Variants in CASTOR1 observed in about 807,000 individuals in gnomAD.
CASTOR1 encodes cytosolic arginine sensor for mTORC1 subunit 1, also known as GATS protein like 3.
Under a neutral mutation model 33.7 loss-of-function variants are expected in CASTOR1, and 18 were observed. The observed-to-expected ratio is 0.53, with a 90% CI of 0.37 to 0.79. The LOEUF is 0.79. CASTOR1 is among the 30% of genes least tolerant of loss of function. CASTOR1 has a pLI of 0.00. For missense variants in CASTOR1, 362 were observed against 446.3 expected (o/e 0.81, Z 1.70); for synonymous variants, 175 against 190.6 (o/e 0.92, Z 0.67).
At position 30,286,371 on chromosome 22, in the gene CASTOR1, G is replaced by T; in HGVS notation, c.635C>A (p.Pro212His). 1 of 1,611,560 alleles carries T rather than the reference G, an allele frequency of 6.2e-7. No individual in the cohort carries two copies. The highest frequency in any genetic ancestry group is 8.5e-7 in the Non-Finnish European group (1 of 1,177,854). ...IDVLFYSHST[P>H]KEAASSSPEP... is the part of the protein sequence containing the mutation. ...AGGACTGCTAGAGGCTGCCTCCTTG[G>T]GGGTGCTGGGGAGGGATGGGAGGTT... The change falls in exon 6 of 9, where the codon CCC becomes CAC. Residue 212 changes from proline (P) to histidine (H), a missense_variant. Physicochemically the swap from Pro to His is moderately conservative, Grantham distance 77. Coordinates refer to ENST00000407689, the MANE Select transcript of CASTOR1 (RefSeq NM_001037666.3).
In CASTOR1 at chr22:30,286,341, G is replaced by T. The variant is rs759719627; in HGVS notation, c.665C>A (p.Pro222His). 1 of 1,614,044 alleles carries T rather than the reference G, an allele frequency of 6.2e-7. No homozygotes were observed. Among genetic ancestry groups the T allele is most frequent in the Non-Finnish European group, 8.5e-7 (1 of 1,179,958 alleles). ...GAAGGCAAAGAACGTGATGGAGCTG[G>T]GTTCAGGACTGCTAGAGGCTGCCTC... ...PKEAASSSPE[P>H]SSITFFAFSL... is the part of the protein sequence containing the mutation. The change falls in exon 6 of 9, where the codon CCC becomes CAC. Residue 222 changes from proline to histidine, a missense_variant. Transcript: ENST00000407689.
chr22:30,289,201 G>T, intron 1 of CASTOR1, 184 bp downstream of exon 1: 1 of 591,758 alleles, frequency 1.7e-6, no homozygotes. Flanking sequence ...CTGGGAGGGG[G>T]CCTCACGGGG....
intron 5 of CASTOR1, chr22:30,286,591 C>T: frequency 3.0e-6 from 2 of 674,546 alleles, no homozygotes; most frequent in Non-Finnish European, 5.1e-6. Context: ...CAAAGGATTC[C>T]ACGGTGAGAG....
At chr22:30,288,601 T>C in intron 2 of CASTOR1, 105 bp downstream of exon 2, 1 of 975,270 alleles carries the variant, frequency 1.0e-6, no homozygotes, top group Non-Finnish European at 1.6e-6. Flanking sequence ...CATCTGCTTT[T>C]AAGGCTTAAG....
chr22:30,285,293 T>G lies in CASTOR1; in HGVS notation c.*327A>C. ...CGGGGCAGCTGGCCCAGGAAGCCTT[T>G]GGGGAATGGCTCAGGCCTCAGGCAG... On this transcript the variant is annotated 3_prime_UTR_variant, in exon 9 of 9. Transcript: ENST00000407689. The G allele has an allele frequency of 9.0e-6, 2 of 223,386 alleles. No individual in the cohort carries two copies. The highest frequency in any genetic ancestry group is 8.8e-6 in the Non-Finnish European group (1 of 113,890). The allele number at this position is 223,386 out of a possible 1,614,324, so 13.8% of individuals were successfully genotyped here.
rs1257387569 is a variant in CASTOR1 at position 30,286,827 on chromosome 22, G to A, written c.627C>T (p.His209=). The A allele has an allele frequency of 6.2e-7, 1 of 1,614,082 alleles. No homozygotes were observed. Residue 209 remains histidine (H), a splice_region_variant and synonymous_variant, in exon 5 of 9, where the codon CAC becomes CAT. Coordinates refer to ENST00000407689, the MANE Select transcript of CASTOR1 (RefSeq NM_001037666.3). Reference sequence around the variant, plus strand: ...AAAGACGAAGTTCCAAGGTCCACCTGTGCGAGTAGAAGAGGACATCTATGA... The same window carrying A: ...AAAGACGAAGTTCCAAGGTCCACCTATGCGAGTAGAAGAGGACATCTATGA... ...TTLIDVLFYS[H]STPKEAASSS... is the part of the protein sequence containing the mutation.
At chr22:30,288,074 G>A in intron 2 of CASTOR1, 2 of 354,830 alleles carry the variant, frequency 5.6e-6, no homozygotes, top group South Asian at 4.2e-5. Flanking sequence ...CAGCTAGCTG[G>A]CCTGAGACTC....
chr22:30,288,548 G>A (rs900041767), intron 2 of CASTOR1, among the ~76,000 whole-genome samples, 158 bp downstream of exon 2: 32 of 151,808 alleles, frequency 2.1e-4, no homozygotes, highest in African/African-American at 7.3e-4. Context: ...TTGCTCAAGG[G>A]CACACAGCCA....
chr22:30,289,270 C>T (rs1929871387), intron 1 of CASTOR1, 115 bp downstream of exon 1: 1 of 819,890 alleles, frequency 1.2e-6, no homozygotes, highest in East Asian at 3.0e-5. Flanking sequence ...GTCCTCCCCA[C>T]CCGCTCCCGC....
chr22:30,286,242 C>T, intron 6 of CASTOR1, 21 bp downstream of exon 6: 1 of 1,584,066 alleles, frequency 6.3e-7, no homozygotes, highest in Non-Finnish European at 8.7e-7. Context: ...TGGGGCCCAC[C>T]CGGGGTCAGG....
intron 2 of CASTOR1, among the ~76,000 whole-genome samples, chr22:30,288,120 G>C (rs1929830171): frequency 6.6e-6 from 1 of 152,268 alleles, no homozygotes; most frequent in Admixed American, 6.5e-5. Context: ...AGCAGCAGGA[G>C]GAGGAGCTAG....
rs754511179 is a variant in CASTOR1 at position 30,289,386 on chromosome 22, G to T, written c.112C>A (p.Arg38=). The T allele has an allele frequency of 1.1e-5, 17 of 1,599,766 alleles. No individual in the cohort carries two copies. In the South Asian group the frequency reaches 1.8e-4, roughly 17 times the overall value. The stretch of plus-strand genomic sequence containing the variant: ...GCGCTCCCGAACCCGGGCGCGCACC[G>T]GCTGCGGCGGGGCAGGAAGAGCAGC... ...IKLLFLPRRS[R]CKFFSLTETP... Residue 38 remains arginine, a splice_region_variant and synonymous_variant, in exon 1 of 9, where the codon CGG becomes AGG. Transcript: ENST00000407689.
At position 30,287,143 on chromosome 22, in the gene CASTOR1, G is replaced by A; in HGVS notation, c.505+12C>T. 6.2e-7 allele frequency: 1 copy of A among 1,606,594 alleles called. No individual in the cohort carries two copies. Among genetic ancestry groups the A allele is most frequent in the South Asian group, 1.1e-5 (1 of 90,532 alleles). ...CCCTGCCCAAGTCCAAGTGTCAGGG[G>A]GCGGCCCTCACCATGCTGAGTGCGG... On this transcript the variant is annotated intron_variant, in intron 4 of 8. Transcript: ENST00000407689.
chr22:30,286,693 G>A, intron 5 of CASTOR1, 132 bp downstream of exon 5: 2 of 1,147,678 alleles, frequency 1.7e-6, no homozygotes, highest in Non-Finnish European at 2.6e-6. Flanking sequence ...AAGCACAAGT[G>A]AGCATCATGG....
rs374308991 is a variant in CASTOR1, at chr22:30,286,329, G to A, written c.677C>T (p.Thr226Met). The change falls in exon 6 of 9, where the codon ACG (threonine) becomes ATG (methionine). Residue 226 changes from threonine to methionine, a missense_variant. Coordinates refer to ENST00000407689, the MANE Select transcript of CASTOR1 (RefSeq NM_001037666.3). ...ASSSPEPSSI[T>M]FFAFSLIEGY... The stretch of plus-strand genomic sequence containing the variant: ...CTCGATGAGGGAGAAGGCAAAGAAC[G>A]TGATGGAGCTGGGTTCAGGACTGCT... 3.9e-5 allele frequency: 63 copies of A among 1,614,010 alleles called. No individual in the cohort carries two copies. Among genetic ancestry groups the A allele is most frequent in the South Asian group, 3.3e-4 (30 of 91,092 alleles).
At chr22:30,288,255 G>C (rs563182324) in intron 2 of CASTOR1, among the ~76,000 whole-genome samples, 2 of 152,350 alleles carry the variant, frequency 1.3e-5, no homozygotes, top group East Asian at 3.9e-4. Flanking sequence ...CCCTGAGATG[G>C]CTGCCTGCTC....
In CASTOR1 at chr22:30,287,544, C is replaced by T. The variant is rs754942237; in HGVS notation, c.201G>A (p.Glu67=). ...EEGFKELPPS[E]FLQVAEATWL... ...ATGTGGCCTCAGCTACTTGCAGGAA[C>T]TCAGATGGGGGCAGCTCTGTGGGCA... The change falls in exon 3 of 9, where the codon GAG becomes GAA. Residue 67 remains glutamate, a synonymous_variant. Transcript: ENST00000407689. The T allele has an allele frequency of 4.3e-6, 7 of 1,612,592 alleles. No individual in the cohort carries two copies. In the Admixed American group the frequency reaches 1.2e-4, roughly 27 times the overall value.
chr22:30,289,288 C>T, intron 1 of CASTOR1, 97 bp downstream of exon 1: 2 of 947,792 alleles, frequency 2.1e-6, no homozygotes, highest in Non-Finnish European at 1.6e-6. Context: ...CGCCCGCCTG[C>T]CTGCCTGCCT....
In CASTOR1 at chr22:30,286,851, G is replaced by A. The variant is rs774550813; in HGVS notation, c.603C>T (p.Leu201=). 2.1e-5 allele frequency: 34 copies of A among 1,614,132 alleles called. No homozygotes were observed. In the Admixed American group the frequency reaches 5.3e-4, roughly 25 times the overall value. ...TGTGCGAGTAGAAGAGGACATCTAT[G>A]AGGGTGGTGGCGATGGCTGGAAGCG... The part of the protein sequence containing the change: ...PETLPAIATT[L]IDVLFYSHST... Residue 201 remains leucine, a synonymous_variant, in exon 5 of 9, where the codon CTC becomes CTT. Coordinates refer to ENST00000407689, the MANE Select transcript of CASTOR1 (RefSeq NM_001037666.3).
Sources: gnomAD v4.1 joint callset for allele counts (sites outside exome capture counted in the v4.1 genomes callset) on GRCh38, gnomAD v4.1.1 for gene constraint, MANE v1.5 for transcripts, NCBI Gene and HGNC (gene_info 2026-07-23, HGNC 2026-07-21) for gene names.